The following LRRC28 variants were observed in gnomAD, a reference collection of about 807,000 sequenced individuals.
LRRC28 encodes the protein leucine rich repeat containing 28, also known as leucine-rich repeat-containing protein 28.
LRRC28 carries 39 observed loss-of-function variants against 45.7 expected under a neutral mutation model. The ratio of observed to expected loss-of-function variants is 0.85; its 90% CI spans 0.66 to 1.12. The LOEUF (loss-of-function observed/expected upper bound fraction) is 1.12, where lower values mean the gene tolerates loss of function less well. LRRC28 is among the 50% of genes most tolerant of loss of function. LRRC28 has a pLI of 0.00. For synonymous variants in LRRC28, 206 were observed against 178.8 expected, an observed-to-expected ratio of 1.15 and a Z score of -1.22; for missense variants, 435 against 438.5, an observed-to-expected ratio of 0.99 and a Z score of 0.07.
At chr15:99,285,538 C>G (rs1190033296) in intron 3 of LRRC28, 7 of 1,072,908 alleles carry the variant, frequency 6.5e-6, no homozygotes, top group Non-Finnish European at 8.3e-6. Context: ...GAAGAGCTTC[C>G]TCAGCTGTTC....
At chr15:99,351,903 T>C (rs1956891174) in intron 6 of LRRC28, among the ~76,000 whole-genome samples, 2 of 152,108 alleles carry the variant, frequency 1.3e-5, no homozygotes, top group Admixed American at 1.3e-4. Context: ...GGTCATTGGA[T>C]GGAAAATTGC....
At chr15:99,316,629 A>G (rs36142838) in intron 5 of LRRC28, among the ~76,000 whole-genome samples, 9,446 of 151,892 alleles carry the variant, frequency 0.062, 356 homozygotes, top group Admixed American at 0.12. Context: ...TTTTGCTTAT[A>G]GGGAAGAAAG....
intron 3 of LRRC28, chr15:99,285,398 T>C: frequency 1.3e-6 from 1 of 747,562 alleles, no homozygotes; most frequent in Non-Finnish European, 2.4e-6. Flanking sequence ...AGTGGTATAG[T>C]GACAAACCCA....
chr15:99,349,693 C>T (rs1956809080), intron 6 of LRRC28, among the ~76,000 whole-genome samples: 1 of 152,102 alleles, frequency 6.6e-6, no homozygotes, highest in Non-Finnish European at 1.5e-5. Context: ...GACATGGAAC[C>T]AATGTCCCTG....
At chr15:99,258,858 G>T in intron 2 of LRRC28, 1 of 704,934 alleles carries the variant, frequency 1.4e-6, no homozygotes, top group South Asian at 1.4e-5. Flanking sequence ...TATGTGCGCT[G>T]TGTATTCATC....
Position 99,340,090 on chromosome 15 carries a change from A to G in LRRC28, c.592+5961A>G, listed in dbSNP as rs534473296. Among the ~76,000 whole-genome samples, 12 of 152,390 alleles carry G rather than the reference A, an allele frequency of 7.9e-5. 1 individual carries two copies. In the South Asian group the frequency reaches 2.3e-3, roughly 29 times the overall value. On this transcript the variant is annotated intron_variant, in intron 6 of 9. Coordinates refer to ENST00000301981, the MANE Select transcript of LRRC28 (RefSeq NM_144598.5). The stretch of plus-strand genomic sequence containing the variant: ...ACGTGAGTGCAGAGAGTCATGTTTT[A>G]GCGTGATTCTACCACTCCTCCAGAT...
chr15:99,267,723 T>C (rs1474934340), intron 2 of LRRC28, among the ~76,000 whole-genome samples: 1 of 152,252 alleles, frequency 6.6e-6, no homozygotes, highest in Non-Finnish European at 1.5e-5. Context: ...ATAATACACA[T>C]GTGCCTGAAA....
At chr15:99,352,282 A>C (rs1156380871) in intron 6 of LRRC28, 87 bp from the exon 7 acceptor site, 2 of 884,632 alleles carry the variant, frequency 2.3e-6, no homozygotes, top group Non-Finnish European at 3.4e-6. Context: ...ATCTTCGAAT[A>C]TTTCTAATAC....
intron 9 of LRRC28, among the ~76,000 whole-genome samples, chr15:99,374,488 A>AT (rs1461587637): frequency 6.6e-6 from 1 of 152,106 alleles, no homozygotes; most frequent in African/African-American, 2.4e-5. Context: ...TTCTAGGAGT[A>AT]TTTTTTGTAG....
Position 99,387,106 on chromosome 15 carries a change from G to C in LRRC28, c.*1004G>C, listed in dbSNP as rs555816843. Reference sequence around the variant, plus strand: ...GACGGAGTCTCGCTCTGTCGCCCAGGCTGGAGTGCAGTGGCGGGATCTCGG... The same window carrying C: ...GACGGAGTCTCGCTCTGTCGCCCAGCCTGGAGTGCAGTGGCGGGATCTCGG... On this transcript the variant is annotated 3_prime_UTR_variant, in exon 10 of 10. Coordinates refer to ENST00000301981, the MANE Select transcript of LRRC28 (RefSeq NM_144598.5). 2.0e-5 allele frequency: 3 copies of C among 151,626 alleles called. No homozygotes were observed. Among genetic ancestry groups the C allele is most frequent in the African/African-American group, 7.3e-5 (3 of 41,212 alleles). The allele number at this position is 151,626 out of a possible 1,614,324, so 9.4% of individuals were successfully genotyped here.
rs1224973829 is a variant in LRRC28 at position 99,370,678 on chromosome 15, A to T, written c.1031+7413A>T. Among the ~76,000 whole-genome samples, 3 of 152,204 alleles carry T rather than the reference A, an allele frequency of 2.0e-5. 1 individual carries two copies. Among genetic ancestry groups the T allele is most frequent in the Non-Finnish European group, 4.4e-5 (3 of 68,038 alleles). On this transcript the variant is annotated intron_variant, in intron 9 of 9. Coordinates refer to ENST00000301981, the MANE Select transcript of LRRC28 (RefSeq NM_144598.5). ...AGAAAAGGAAAGATTGTTATGGCAA[A>T]TTTTTTTGTTCAATTACAAATGTTA...
intron 2 of LRRC28, among the ~76,000 whole-genome samples, chr15:99,261,398 A>C (rs2081193872): frequency 6.6e-6 from 1 of 152,146 alleles, no homozygotes; most frequent in African/African-American, 2.4e-5. Context: ...TTATAAACAA[A>C]TTTATTTCTT....
intron 6 of LRRC28, among the ~76,000 whole-genome samples, chr15:99,350,254 G>A (rs1956836544): frequency 6.6e-6 from 1 of 152,168 alleles, no homozygotes; most frequent in African/African-American, 2.4e-5. Context: ...CTATGGGGAA[G>A]CAGATGCTCT....
intron 5 of LRRC28, among the ~76,000 whole-genome samples, chr15:99,307,574 A>C (rs1438997880): frequency 1.3e-5 from 2 of 152,230 alleles, no homozygotes; most frequent in African/African-American, 4.8e-5. Flanking sequence ...AAGTTGTTAC[A>C]TATAGAAAAG....
At chr15:99,259,463 C>A in intron 2 of LRRC28, 2 of 1,217,092 alleles carry the variant, frequency 1.6e-6, no homozygotes, top group Non-Finnish European at 2.4e-6. Context: ...AGAATTTGAG[C>A]CTCTGCCCAA....
Position 99,357,739 on chromosome 15 carries a change from G to A in LRRC28, c.696-3597G>A, listed in dbSNP as rs116022003. On this transcript the variant is annotated intron_variant, in intron 7 of 9. Coordinates refer to ENST00000301981, the MANE Select transcript of LRRC28 (RefSeq NM_144598.5). The stretch of plus-strand genomic sequence containing the variant: ...ATTTTAAAGTTTACCTTAAAATATC[G>A]ATAATTTATTCAACATTATATTAAA... Among the ~76,000 whole-genome samples, 300 of 151,934 alleles carry A rather than the reference G, an allele frequency of 2.0e-3. 1 individual carries two copies. The highest frequency in any genetic ancestry group is 5.7e-3 in the African/African-American group (238 of 41,460).
Position 99,386,163 on chromosome 15 carries a change from G to C in LRRC28, c.*61G>C. On this transcript the variant is annotated 3_prime_UTR_variant, in exon 10 of 10. Transcript: ENST00000301981. ...GACACTGGGGAATCCAGCCAGTCCA[G>C]CACACTCTTCCATCCTGTCCTGTCC... 1 of 1,309,522 alleles carries C rather than the reference G, an allele frequency of 7.6e-7. No homozygotes were observed. Among genetic ancestry groups the C allele is most frequent in the Admixed American group, 1.7e-5 (1 of 59,626 alleles). The allele number at this position is 1,309,522 out of a possible 1,614,324, so 81.1% of individuals were successfully genotyped here. A position where few individuals can be genotyped will look rare whatever the true frequency, so the allele number is the denominator to read the frequency against.
intron 6 of LRRC28, among the ~76,000 whole-genome samples, chr15:99,342,360 T>G (rs1956543112): frequency 6.6e-6 from 1 of 152,198 alleles, no homozygotes; most frequent in Non-Finnish European, 1.5e-5. Flanking sequence ...TGGGGGAGGC[T>G]GTCTAACTTC....
At chr15:99,300,965 T>C (rs1954947305) in intron 5 of LRRC28, among the ~76,000 whole-genome samples, 1 of 152,230 alleles carries the variant, frequency 6.6e-6, no homozygotes, top group Non-Finnish European at 1.5e-5. Flanking sequence ...TGTTCAAAAA[T>C]GTGAGATAAT....
Sources: allele counts gnomAD v4.1 joint callset (sites outside exome capture counted in the v4.1 genomes callset), GRCh38; gene constraint gnomAD v4.1.1; transcripts MANE v1.5; gene names NCBI Gene and HGNC (gene_info 2026-07-23, HGNC 2026-07-21).